DACH1: variants seen among roughly 807,000 people sequenced by gnomAD.
DACH1 encodes dachshund homolog 1.
In DACH1, 12 loss-of-function variants were observed where a neutral mutation model predicts 54.2. That is an observed-to-expected ratio of 0.22 (90% CI 0.14 to 0.36). The LOEUF is 0.36. DACH1 is among the 10% of genes least tolerant of loss of function. The probability of loss-of-function intolerance (pLI) is 1.00; values close to 1 mark genes in which losing one functional copy is unlikely to be tolerated. For missense variants in DACH1, 805 were observed against 929.8 expected, an observed-to-expected ratio of 0.87 and a Z score of 1.75; for synonymous variants, 386 against 366.2, an observed-to-expected ratio of 1.05 and a Z score of -0.62.
intron 1 of DACH1, among the ~76,000 whole-genome samples, chr13:71,787,311 G>T (rs976657931): frequency 3.3e-5 from 5 of 152,176 alleles, no homozygotes; most frequent in African/African-American, 1.2e-4. Context: ...GGCAAATAAA[G>T]TCTAGTTGTG....
intron 3 of DACH1, among the ~76,000 whole-genome samples, chr13:71,575,852 C>T (rs1885494764): frequency 6.6e-6 from 1 of 151,990 alleles, no homozygotes; most frequent in African/African-American, 2.4e-5. Flanking sequence ...AATTAAGAAA[C>T]TAAGTCTGAT....
intron 10 of DACH1, among the ~76,000 whole-genome samples, chr13:71,443,114 T>C (rs1043705284): frequency 6.7e-6 from 1 of 149,414 alleles, no homozygotes; most frequent in African/African-American, 2.4e-5. Context: ...ATTATAAGTA[T>C]AAAAACATAT....
intron 8 of DACH1, 66 bp from the exon 9 acceptor site, chr13:71,475,915 A>C: frequency 8.4e-7 from 1 of 1,184,826 alleles, no homozygotes; most frequent in Non-Finnish European, 1.1e-6. Context: ...CTAATTTCCA[A>C]ATGGTCTATA....
At chr13:71,459,894 C>T (rs1020738657) in intron 10 of DACH1, among the ~76,000 whole-genome samples, 1 of 151,940 alleles carries the variant, frequency 6.6e-6, no homozygotes, top group Non-Finnish European at 1.5e-5. Flanking sequence ...TAAAACTTCA[C>T]CCTTTTGTTG....
intron 1 of DACH1, among the ~76,000 whole-genome samples, chr13:71,850,724 T>G (rs1358979750): frequency 6.6e-6 from 1 of 152,192 alleles, no homozygotes; most frequent in Non-Finnish European, 1.5e-5. Context: ...GTTATATAAT[T>G]TCCATACAGA....
chr13:71,637,212 A>G (rs1877554146), intron 2 of DACH1, among the ~76,000 whole-genome samples: 1 of 152,050 alleles, frequency 6.6e-6, no homozygotes, highest in African/African-American at 2.4e-5. Flanking sequence ...ATGCTTCAAA[A>G]TTTTCATCTC....
At chr13:71,472,536 A>T (rs1877174955) in intron 10 of DACH1, among the ~76,000 whole-genome samples, 2 of 152,232 alleles carry the variant, frequency 1.3e-5, no homozygotes, top group South Asian at 4.1e-4. Context: ...AAAAATTAAA[A>T]AACCTGTGGG....
chr13:71,647,004 A>T (rs1354027939), intron 2 of DACH1, among the ~76,000 whole-genome samples: 1 of 152,266 alleles, frequency 6.6e-6, no homozygotes, highest in Non-Finnish European at 1.5e-5. Flanking sequence ...CATGGGTAGC[A>T]TTATGTATAC....
intron 1 of DACH1, among the ~76,000 whole-genome samples, chr13:71,777,663 T>A (rs1479597501): frequency 1.3e-5 from 2 of 152,112 alleles, no homozygotes; most frequent in Admixed American, 1.3e-4. Context: ...GGAGCTATAT[T>A]TTTTCCTAAA....
chr13:71,831,112 G>A (rs774598503), intron 1 of DACH1, among the ~76,000 whole-genome samples: 3 of 151,774 alleles, frequency 2.0e-5, no homozygotes, highest in African/African-American at 4.8e-5. Flanking sequence ...AAGCCTTTTC[G>A]CCACCACATG....
At chr13:71,840,095 C>T (rs567027069) in intron 1 of DACH1, among the ~76,000 whole-genome samples, 3 of 152,084 alleles carry the variant, frequency 2.0e-5, no homozygotes, top group African/African-American at 7.2e-5. Context: ...TACAGGTGCG[C>T]ACCACCACAC....
chr13:71,531,343 T>C (rs906431738), intron 6 of DACH1, among the ~76,000 whole-genome samples: 3 of 151,334 alleles, frequency 2.0e-5, no homozygotes, highest in Admixed American at 6.6e-5. Flanking sequence ...CATGCACCTA[T>C]TGAAGAAAGG....
At chr13:71,573,150 C>G (rs1566351134) in intron 3 of DACH1, 138 bp from the exon 4 acceptor site, 1 of 801,568 alleles carries the variant, frequency 1.2e-6, no homozygotes, top group Non-Finnish European at 1.9e-6. Flanking sequence ...TCACTTACTA[C>G]TCAGGGAAAC....
At chr13:71,759,440 A>AT (rs1885308730) in intron 1 of DACH1, among the ~76,000 whole-genome samples, 1 of 152,194 alleles carries the variant, frequency 6.6e-6, no homozygotes, top group Non-Finnish European at 1.5e-5. Flanking sequence ...TTAGTGAGAA[A>AT]TTCCAGTTAA....
At chr13:71,641,250 T>C (rs1877876505) in intron 2 of DACH1, among the ~76,000 whole-genome samples, 1 of 152,090 alleles carries the variant, frequency 6.6e-6, no homozygotes, top group Admixed American at 6.6e-5. Context: ...TGAATATATG[T>C]ACACATACAT....
intron 7 of DACH1, among the ~76,000 whole-genome samples, chr13:71,486,915 G>T (rs1409973990): frequency 2.0e-5 from 3 of 151,944 alleles, no homozygotes; most frequent in Non-Finnish European, 2.9e-5. Context: ...CACAGTCTCA[G>T]CTCACTGCAA....
intron 6 of DACH1, among the ~76,000 whole-genome samples, chr13:71,536,873 C>G (rs1378944444): frequency 6.6e-6 from 1 of 152,166 alleles, no homozygotes; most frequent in East Asian, 1.9e-4. Context: ...ATTGCCAACA[C>G]CCTAGTCAAA....
At chr13:71,781,322 A>G (rs776307174) in intron 1 of DACH1, among the ~76,000 whole-genome samples, 1 of 151,882 alleles carries the variant, frequency 6.6e-6, no homozygotes, top group Non-Finnish European at 1.5e-5. Flanking sequence ...TGCCATGCCA[A>G]CACTAGGTCC....
intron 2 of DACH1, among the ~76,000 whole-genome samples, chr13:71,658,504 C>T (rs1185116951): frequency 1.3e-5 from 2 of 152,044 alleles, no homozygotes; most frequent in Non-Finnish European, 2.9e-5. Context: ...AAGCTGAGAT[C>T]GTGCCACTGC....
Sources: gnomAD v4.1 joint callset for allele counts (sites outside exome capture counted in the v4.1 genomes callset) on GRCh38, gnomAD v4.1.1 for gene constraint, MANE v1.5 for transcripts, NCBI Gene and HGNC (gene_info 2026-07-23, HGNC 2026-07-21) for gene names.